Variants in SLC44A1 observed in about 807,000 individuals in gnomAD.
SLC44A1 encodes the protein solute carrier family 44 member 1.
SLC44A1 carries 26 observed loss-of-function variants against 79.3 expected under a neutral mutation model. That is an observed-to-expected ratio of 0.33 (90% CI 0.24 to 0.46). The LOEUF is 0.46. Among genes scored for constraint, SLC44A1 ranks in the 20% least tolerant of loss-of-function variants. The pLI is 1.00. For missense variants in SLC44A1, 688 were observed against 798.1 expected, an observed-to-expected ratio of 0.86 and a Z score of 1.66; for synonymous variants, 263 against 286.2, an observed-to-expected ratio of 0.92 and a Z score of 0.82.
intron 3 of SLC44A1, among the ~76,000 whole-genome samples, chr9:105,324,001 T>G (rs1826485213): frequency 7.0e-6 from 1 of 142,150 alleles, no homozygotes; most frequent in South Asian, 2.1e-4. Flanking sequence ...GCTTTTTGTT[T>G]TTGTTTTTGT....
At chr9:105,288,646 G>A (rs327978) in intron 1 of SLC44A1, among the ~76,000 whole-genome samples, 2 of 152,236 alleles carry the variant, frequency 1.3e-5, no homozygotes, top group African/African-American at 4.8e-5. Flanking sequence ...ACCATGCCTG[G>A]TCCTATTTTA....
chr9:105,291,285 A>G (rs772639834), intron 1 of SLC44A1, among the ~76,000 whole-genome samples: 4 of 152,262 alleles, frequency 2.6e-5, no homozygotes, highest in Admixed American at 6.5e-5. Context: ...TTCTGAGTGT[A>G]CAACTATTTG....
intron 15 of SLC44A1, among the ~76,000 whole-genome samples, chr9:105,414,031 G>A (rs1564056379): frequency 6.7e-6 from 1 of 150,128 alleles, no homozygotes; most frequent in Non-Finnish European, 1.5e-5. Flanking sequence ...CTAAGCTTTC[G>A]CTGGACAGTT....
At chr9:105,437,480 C>CTA (rs991618588) in intron 15 of SLC44A1, among the ~76,000 whole-genome samples, 11 of 151,308 alleles carry the variant, frequency 7.3e-5, no homozygotes, top group South Asian at 4.2e-4. Flanking sequence ...CTCTCTCTCT[C>CTA]TATATATATA....
At chr9:105,333,877 G>T (rs945633460) in intron 3 of SLC44A1, among the ~76,000 whole-genome samples, 49 of 151,942 alleles carry the variant, frequency 3.2e-4, no homozygotes, top group African/African-American at 1.2e-3. Context: ...AGTGATAGTG[G>T]TGGTGGTGGT....
chr9:105,315,271 G>GTTTTTTTTTTTTTTTTT (rs72336954), intron 3 of SLC44A1, among the ~76,000 whole-genome samples: 1 of 130,266 alleles, frequency 7.7e-6, no homozygotes, highest in Non-Finnish European at 1.7e-5. Flanking sequence ...TTTTTTGTTT[G>GTTTTTTTTTTTTTTTTT]TTTTTTTTTT....
At position 105,402,740 on chromosome 9, in the gene SLC44A1, G is replaced by A. The variant is rs141398659; in HGVS notation, c.1950+17238G>A. On this transcript the variant is annotated intron_variant, in intron 15 of 15. Transcript: ENST00000374724. ...CTACATTGTCATGCTAACCATTGGT[G>A]TGCTTCTATGCTAACAAGAAATAAC... 3.3e-3 allele frequency among the ~76,000 whole-genome samples: 509 copies of A among 152,236 alleles called. 5 individuals carry two copies. The highest frequency in any genetic ancestry group is 4.9e-3 in the Non-Finnish European group (331 of 68,004).
chr9:105,264,120 G>A (rs1278078945), intron 1 of SLC44A1, among the ~76,000 whole-genome samples: 1 of 152,008 alleles, frequency 6.6e-6, no homozygotes. Flanking sequence ...TTATCCTTCT[G>A]CTGCAGATAT....
In SLC44A1 at chr9:105,391,097, A is replaced by G. The variant is rs1353075884; in HGVS notation, c.*2041A>G. On this transcript the variant is annotated 3_prime_UTR_variant, in exon 16 of 16. Transcript: ENST00000374720. ...ATTGGCAAAAGTCTAGAAGATGGGT[A>G]TCAAAACAGAAGACATTCCAGGAGC... 7 of 985,706 alleles carry G rather than the reference A, an allele frequency of 7.1e-6. No homozygotes were observed. The highest frequency in any genetic ancestry group is 8.4e-6 in the Non-Finnish European group (7 of 829,918). 61.1% of individuals were successfully genotyped at this position (985,706 alleles called of 1,614,324 possible). A position where few individuals can be genotyped will look rare whatever the true frequency, so the allele number is the denominator to read the frequency against.
At chr9:105,326,528 G>C (rs1035013365) in intron 3 of SLC44A1, among the ~76,000 whole-genome samples, 1 of 152,160 alleles carries the variant, frequency 6.6e-6, no homozygotes, top group African/African-American at 2.4e-5. Flanking sequence ...GTCTTCCCCC[G>C]TGCTTTTCCA....
At position 105,316,284 on chromosome 9, in the gene SLC44A1, A is replaced by T. The variant is rs558838571; in HGVS notation, c.269+6418A>T. ...ATGGGAAGGCCATGAGAAAGGTTAC[A>T]ATGGGAGGTCCTGGCCCGGTCTTAG... On this transcript the variant is annotated intron_variant, in intron 3 of 15. Coordinates refer to ENST00000374720, the MANE Select transcript of SLC44A1 (RefSeq NM_080546.5). 3.9e-5 allele frequency among the ~76,000 whole-genome samples: 6 copies of T among 152,308 alleles called. No homozygotes were observed. In the South Asian group the frequency reaches 1.2e-3, roughly 32 times the overall value.
intron 4 of SLC44A1, among the ~76,000 whole-genome samples, chr9:105,339,093 C>A (rs1476035881): frequency 1.3e-5 from 2 of 152,104 alleles, no homozygotes; most frequent in Non-Finnish European, 2.9e-5. Context: ...AGAAAAAATA[C>A]ATAAGTTGGA....
intron 1 of SLC44A1, among the ~76,000 whole-genome samples, chr9:105,293,299 A>T (rs1830646351): frequency 6.6e-6 from 1 of 152,248 alleles, no homozygotes; most frequent in Non-Finnish European, 1.5e-5. Flanking sequence ...TGTATTACTT[A>T]TAAGAATTTT....
Position 105,393,700 on chromosome 9 carries a change from C to T in SLC44A1, c.*4644C>T, listed in dbSNP as rs771185268. 5.4e-5 allele frequency: 53 copies of T among 984,286 alleles called. No homozygotes were observed. The highest frequency in any genetic ancestry group is 6.3e-5 in the Non-Finnish European group (52 of 829,038). 61.0% of individuals were successfully genotyped at this position (984,286 alleles called of 1,614,324 possible). On this transcript the variant is annotated 3_prime_UTR_variant, in exon 16 of 16. Transcript: ENST00000374720. ...TGATTCAGTTTCAATATTGCATGAA[C>T]AATTGCCACTTTGTAAATTATATGG...
chr9:105,249,679 C>T (rs925508243), intron 1 of SLC44A1, among the ~76,000 whole-genome samples: 3 of 151,040 alleles, frequency 2.0e-5, no homozygotes, highest in Middle Eastern at 3.4e-3. Context: ...TGCTCGCCAC[C>T]ACACCCAGCT....
intron 2 of SLC44A1, among the ~76,000 whole-genome samples, chr9:105,308,042 A>T (rs998021247): frequency 1.3e-5 from 2 of 152,204 alleles, no homozygotes; most frequent in Non-Finnish European, 2.9e-5. Context: ...TGTAACATGT[A>T]TTATTTCATG....
chr9:105,397,155 T>A lies in SLC44A1; in HGVS notation c.*8099T>A. 1.0e-6 allele frequency: 1 copy of A among 985,398 alleles called. No homozygotes were observed. The highest frequency in any genetic ancestry group is 1.2e-6 in the Non-Finnish European group (1 of 829,904). The allele number at this position is 985,398 out of a possible 1,614,324, so 61.0% of individuals were successfully genotyped here. A position where few individuals can be genotyped will look rare whatever the true frequency, so the allele number is the denominator to read the frequency against. ...AATTCCATCTGGCTTCAGAGAACAA[T>A]CAGCCTATATGAAACGGAGCTTTGA... On this transcript the variant is annotated 3_prime_UTR_variant, in exon 16 of 16. Transcript: ENST00000374720.
At chr9:105,335,475 T>C in intron 3 of SLC44A1, 88 bp from the exon 4 acceptor site, 1 of 895,132 alleles carries the variant, frequency 1.1e-6, no homozygotes, top group Non-Finnish European at 1.7e-6. Flanking sequence ...GTGGAATAGA[T>C]GTTCTTTGCT....
rs538205356 is a variant in SLC44A1, at chr9:105,386,228, C to T, written c.1950+726C>T. 5.1e-6 allele frequency: 5 copies of T among 983,198 alleles called. No homozygotes were observed. The East Asian group carries it at 5.7e-4, about 112-fold the overall frequency. 60.9% of individuals were successfully genotyped at this position (983,198 alleles called of 1,614,324 possible). ...AGCAGCTTAATGAGTGTAAGAGAAC[C>T]TTGAGCTGCTTTTCACATGGATATT... On this transcript the variant is annotated intron_variant, in intron 15 of 15. Transcript: ENST00000374720.
Sources: gnomAD v4.1 joint callset for allele counts (sites outside exome capture counted in the v4.1 genomes callset) on GRCh38, gnomAD v4.1.1 for gene constraint, MANE v1.5 for transcripts, NCBI Gene and HGNC (gene_info 2026-07-23, HGNC 2026-07-21) for gene names.